SASH1: variants seen among roughly 807,000 people sequenced by gnomAD.
SASH1 encodes the protein SAM and SH3 domain containing 1.
In SASH1, 44 loss-of-function variants were observed where a neutral mutation model predicts 125.2. That is an observed-to-expected ratio of 0.35 (90% CI 0.28 to 0.45). The LOEUF is 0.45. Ranked by LOEUF, SASH1 falls within the 20% of genes least tolerant of loss-of-function variation. The pLI is 1.00. For missense variants in SASH1, 1,426 were observed against 1,614.5 expected, an observed-to-expected ratio of 0.88 and a Z score of 2.00; for synonymous variants, 639 against 649.1, an observed-to-expected ratio of 0.98 and a Z score of 0.24.
chr6:148,404,200 A>G (rs534384955), intron 2 of SASH1, among the ~76,000 whole-genome samples: 3 of 152,346 alleles, frequency 2.0e-5, no homozygotes, highest in East Asian at 3.9e-4. Flanking sequence ...CTTTTAAGCA[A>G]GAAAGTTTTG....
intron 8 of SASH1, 117 bp downstream of exon 8, chr6:148,487,832 A>T (rs996376116): frequency 3.1e-6 from 2 of 651,436 alleles, no homozygotes; most frequent in Non-Finnish European, 2.6e-6. Context: ...GTCTGCAAAG[A>T]GGTGTCTGTT....
chr6:148,325,059 T>A (rs1381561690), intron 1 of SASH1, among the ~76,000 whole-genome samples: 1 of 152,166 alleles, frequency 6.6e-6, no homozygotes, highest in Non-Finnish European at 1.5e-5. Flanking sequence ...TTGACCTCTG[T>A]ATTAGTCCAT....
At chr6:148,478,774 A>T (rs1400850757) in intron 7 of SASH1, 1 of 154,090 alleles carries the variant, frequency 6.5e-6, no homozygotes, top group African/African-American at 2.4e-5. Flanking sequence ...CCTCCTGTCC[A>T]TGCTGCTCAT....
intron 16 of SASH1, among the ~76,000 whole-genome samples, chr6:148,536,380 C>T (rs1037956470): frequency 3.9e-5 from 6 of 152,196 alleles, no homozygotes; most frequent in African/African-American, 1.4e-4. Context: ...ACTCTCGTTG[C>T]CCAAGCTGGA....
intron 4 of SASH1, among the ~76,000 whole-genome samples, chr6:148,463,392 G>A (rs536515128): frequency 6.6e-6 from 1 of 152,142 alleles, no homozygotes; most frequent in Non-Finnish European, 1.5e-5. Flanking sequence ...TGATCCACCC[G>A]TCTCGGCCTC....
At chr6:148,499,141 A>G (rs571763560) in intron 8 of SASH1, among the ~76,000 whole-genome samples, 1 of 151,412 alleles carries the variant, frequency 6.6e-6, no homozygotes, top group African/African-American at 2.4e-5. Flanking sequence ...CACTGCAACA[A>G]AATTCTTAGA....
chr6:148,486,273 A>C (rs577515054), intron 7 of SASH1, among the ~76,000 whole-genome samples: 4 of 152,174 alleles, frequency 2.6e-5, no homozygotes, highest in African/African-American at 9.6e-5. Flanking sequence ...GGCATGTGCC[A>C]CCAAGCCCAG....
At position 148,293,976 on chromosome 6, in the gene SASH1, G is replaced by T. The variant is rs998916690; in HGVS notation, n.74+21599G>T. 3.9e-5 allele frequency among the ~76,000 whole-genome samples: 6 copies of T among 152,186 alleles called. 1 individual carries two copies. Among genetic ancestry groups the T allele is most frequent in the African/African-American group, 1.4e-4 (6 of 41,454 alleles). ...AATAGTCATTGGCCTAATTTGGATGGCTGAATTGTTTCATGAAAAAGCCTG... is the reference window on the plus strand; with the variant it reads ...AATAGTCATTGGCCTAATTTGGATGTCTGAATTGTTTCATGAAAAAGCCTG... On this transcript the variant is annotated intron_variant and non_coding_transcript_variant, in intron 1 of 3. Transcript: ENST00000367469.
intron 1 of SASH1, among the ~76,000 whole-genome samples, chr6:148,387,309 G>A (rs1323833757): frequency 1.3e-5 from 2 of 151,494 alleles, no homozygotes; most frequent in Non-Finnish European, 2.9e-5. Flanking sequence ...TAGTAGAGAC[G>A]GGGTTTCACC....
chr6:148,264,604 ATGT>A, the SASH1 span, among the ~76,000 whole-genome samples: 257 of 152,288 alleles, frequency 1.7e-3, 1 homozygote, highest in African/African-American at 5.8e-3. Context: ...GCCTCTTGTC[ATGT>A]TGTCCACACC....
intron 1 of SASH1, among the ~76,000 whole-genome samples, chr6:148,300,879 T>A (rs1024587696): frequency 6.6e-6 from 1 of 152,224 alleles, no homozygotes; most frequent in South Asian, 2.1e-4. Context: ...GAATTCCCTA[T>A]TTCTTTTACT....
chr6:148,414,382 G>A (rs1243321311), intron 2 of SASH1, among the ~76,000 whole-genome samples: 1 of 152,060 alleles, frequency 6.6e-6, no homozygotes, highest in African/African-American at 2.4e-5. Context: ...ATGCAGGAAG[G>A]TGGTAGACTG....
chr6:148,283,747 C>G (rs1351834779), intron 1 of SASH1, among the ~76,000 whole-genome samples: 10 of 151,978 alleles, frequency 6.6e-5, no homozygotes, highest in African/African-American at 2.4e-4. Context: ...ACACCCCAGC[C>G]TGGGTGAAGA....
In SASH1 at chr6:148,309,641, G is replaced by C. The variant is rs149314279; in HGVS notation, n.74+37264G>C. Among the ~76,000 whole-genome samples, 911 of 149,816 alleles carry C rather than the reference G, an allele frequency of 6.1e-3. 8 individuals carry two copies. Among genetic ancestry groups the C allele is most frequent in the African/African-American group, 0.021 (873 of 40,656 alleles). On this transcript the variant is annotated intron_variant and non_coding_transcript_variant, in intron 1 of 3. Transcript: ENST00000367469. ...GTCCCCATATCCTTGGTAGATGGAG[G>C]CTTATGTTACCTTCTCATGTTGCTT...
the SASH1 span, among the ~76,000 whole-genome samples, chr6:148,224,995 G>C: frequency 1.4e-4 from 21 of 152,146 alleles, no homozygotes; most frequent in African/African-American, 4.8e-4. Flanking sequence ...GGTTCCCAAG[G>C]ACCGCTGGGA....
chr6:148,392,305 AG>A (rs1239613128), intron 2 of SASH1, among the ~76,000 whole-genome samples: 2 of 147,114 alleles, frequency 1.4e-5, no homozygotes, highest in African/African-American at 2.5e-5. Context: ...AAAAAAAAAA[AG>A]TTTGAAAACT....
the SASH1 span, among the ~76,000 whole-genome samples, chr6:148,234,792 A>C: frequency 6.6e-6 from 1 of 151,002 alleles, no homozygotes; most frequent in Non-Finnish European, 1.5e-5. Flanking sequence ...GCGCCATTGC[A>C]CTCCAGCCTG....
chr6:148,478,189 A>T (rs183368554), intron 7 of SASH1, among the ~76,000 whole-genome samples: 9 of 152,304 alleles, frequency 5.9e-5, no homozygotes, highest in Non-Finnish European at 8.8e-5. Flanking sequence ...GTATCTACCC[A>T]AAAGAAGGGA....
At chr6:148,466,336 A>G (rs1422914770) in intron 4 of SASH1, among the ~76,000 whole-genome samples, 1 of 152,186 alleles carries the variant, frequency 6.6e-6, no homozygotes, top group African/African-American at 2.4e-5. Flanking sequence ...AGTTCTCTGC[A>G]CTCAGCCGTG....
Sources: allele counts gnomAD v4.1 joint callset (sites outside exome capture counted in the v4.1 genomes callset), GRCh38; gene constraint gnomAD v4.1.1; transcripts MANE v1.5; gene names NCBI Gene and HGNC (gene_info 2026-07-23, HGNC 2026-07-21).